The following ZNF521 variants were observed in gnomAD, a reference collection of about 807,000 sequenced individuals.
ZNF521 encodes LYST-interacting protein 3.
In ZNF521, 14 loss-of-function variants were observed where a neutral mutation model predicts 105.5. That is an observed-to-expected ratio of 0.13 (90% CI 0.09 to 0.21). The LOEUF (loss-of-function observed/expected upper bound fraction) is 0.21, where lower values mean the gene tolerates loss of function less well. ZNF521 is among the 10% of genes least tolerant of loss of function. The probability of loss-of-function intolerance (pLI) is 1.00; values close to 1 mark genes in which losing one functional copy is unlikely to be tolerated. For missense variants in ZNF521, 1,233 were observed against 1,629.7 expected (o/e 0.76, Z 4.19); for synonymous variants, 635 against 606.0 (o/e 1.05, Z -0.70).
intron 4 of ZNF521, 140 bp from the exon 5 acceptor site, chr18:25,195,384 G>A: frequency 1.7e-6 from 1 of 602,474 alleles, no homozygotes. Flanking sequence ...CTTGGCCCAA[G>A]TTCTACGAAT....
chr18:25,078,792 G>A (rs1418168899), intron 7 of ZNF521, among the ~76,000 whole-genome samples: 1 of 152,202 alleles, frequency 6.6e-6, no homozygotes, highest in South Asian at 2.1e-4. Context: ...GGCTATGAAC[G>A]AGGTGCAGTT....
intron 5 of ZNF521, among the ~76,000 whole-genome samples, chr18:25,164,245 T>A (rs1323276497): frequency 6.6e-6 from 1 of 152,148 alleles, no homozygotes; most frequent in Admixed American, 6.5e-5. Flanking sequence ...TGCAGGGCTG[T>A]CCCCGGAGTG....
intron 4 of ZNF521, among the ~76,000 whole-genome samples, chr18:25,207,394 C>T (rs952612247): frequency 4.6e-5 from 7 of 152,182 alleles, no homozygotes; most frequent in South Asian, 2.1e-4. Context: ...ATCGGGGCTC[C>T]TCGGGGCACA....
In ZNF521 at chr18:25,249,743, T is replaced by G. The variant is rs1216398933; in HGVS notation, c.221-22046A>C. ...TCCCGAAGTGCTGGGATTACAAGCCTGAGCCACCATTCCTGGTCTTCTTTA... is the reference window on the plus strand; with the variant it reads ...TCCCGAAGTGCTGGGATTACAAGCCGGAGCCACCATTCCTGGTCTTCTTTA... On this transcript the variant is annotated intron_variant, in intron 3 of 7. Transcript: ENST00000361524. Among the ~76,000 whole-genome samples the G allele has an allele frequency of 5.9e-5, 9 of 152,318 alleles. No homozygotes were observed. In the East Asian group the frequency reaches 1.5e-3, roughly 26 times the overall value.
chr18:25,240,686 C>T (rs770755469), intron 3 of ZNF521, among the ~76,000 whole-genome samples: 4 of 152,020 alleles, frequency 2.6e-5, no homozygotes, highest in African/African-American at 4.8e-5. Context: ...TTGGAATCGT[C>T]CAAAGAGCCT....
intron 5 of ZNF521, among the ~76,000 whole-genome samples, chr18:25,186,607 C>G (rs73404937): frequency 0.061 from 9,319 of 152,188 alleles, 674 homozygotes; most frequent in African/African-American, 0.18. Flanking sequence ...TTTCAAAGTT[C>G]AGTGGCCTCT....
chr18:25,148,677 G>GT (rs2034990503), intron 5 of ZNF521, among the ~76,000 whole-genome samples: 1 of 151,996 alleles, frequency 6.6e-6, no homozygotes, highest in South Asian at 2.1e-4. Context: ...AGATAACTGT[G>GT]TTTTGTGAGT....
chr18:25,103,777 A>G (rs1053744285), intron 5 of ZNF521, among the ~76,000 whole-genome samples: 8 of 115,742 alleles, frequency 6.9e-5, no homozygotes, highest in Non-Finnish European at 1.1e-4. Flanking sequence ...GGAAGAAAGA[A>G]GGGTGAGAGG....
intron 5 of ZNF521, among the ~76,000 whole-genome samples, chr18:25,139,908 A>G (rs2034814755): frequency 6.6e-6 from 1 of 152,136 alleles, no homozygotes; most frequent in African/African-American, 2.4e-5. Flanking sequence ...GAAATCCCGA[A>G]TAACTTCCTT....
At chr18:25,085,800 T>A (rs189692591) in intron 7 of ZNF521, among the ~76,000 whole-genome samples, 170 of 151,968 alleles carry the variant, frequency 1.1e-3, no homozygotes, top group African/African-American at 3.9e-3. Context: ...CACAAAAAAA[T>A]GCTTCATATT....
At chr18:25,283,606 T>C (rs45610731) in intron 3 of ZNF521, among the ~76,000 whole-genome samples, 9,482 of 152,266 alleles carry the variant, frequency 0.062, 429 homozygotes, top group Non-Finnish European at 0.086. Context: ...CAGAAAGCTT[T>C]CCAGAAAAAT....
chr18:25,236,966 G>A (rs538713199), intron 3 of ZNF521, among the ~76,000 whole-genome samples: 1 of 152,138 alleles, frequency 6.6e-6, no homozygotes, highest in South Asian at 2.1e-4. Flanking sequence ...TGAAAATAAG[G>A]CGAATTATCA....
chr18:25,349,970 G>C (rs559826855), intron 2 of ZNF521, among the ~76,000 whole-genome samples: 70 of 151,674 alleles, frequency 4.6e-4, no homozygotes, highest in Middle Eastern at 3.4e-3. Context: ...GCCGGACCTC[G>C]CGGCTCCCCT....
At chr18:25,107,938 G>A (rs2034106575) in intron 5 of ZNF521, among the ~76,000 whole-genome samples, 1 of 152,242 alleles carries the variant, frequency 6.6e-6, no homozygotes, top group African/African-American at 2.4e-5. Context: ...AAGGGTGAAA[G>A]CAAAATTTGT....
chr18:25,323,608 T>C (rs1913051316), intron 2 of ZNF521, among the ~76,000 whole-genome samples: 1 of 152,068 alleles, frequency 6.6e-6, no homozygotes, highest in African/African-American at 2.4e-5. Flanking sequence ...TGCCCAGCTA[T>C]TTAACACTTT....
At chr18:25,120,400 C>T (rs750244381) in intron 5 of ZNF521, among the ~76,000 whole-genome samples, 8 of 151,956 alleles carry the variant, frequency 5.3e-5, no homozygotes, top group African/African-American at 9.7e-5. Context: ...CTGGCCAACA[C>T]GATGAAACCC....
chr18:25,186,132 C>T (rs1440779881), intron 5 of ZNF521, among the ~76,000 whole-genome samples: 4 of 152,034 alleles, frequency 2.6e-5, no homozygotes, highest in East Asian at 1.9e-4. Flanking sequence ...CAAAAGATGC[C>T]GAGGCAATGT....
chr18:25,178,741 T>C (rs4329986), intron 5 of ZNF521, among the ~76,000 whole-genome samples: 1 of 152,078 alleles, frequency 6.6e-6, no homozygotes, highest in Admixed American at 6.5e-5. Context: ...CTGAACCAAG[T>C]ATAGGTTTTA....
intron 3 of ZNF521, among the ~76,000 whole-genome samples, chr18:25,294,009 A>G (rs1242189011): frequency 6.6e-6 from 1 of 152,204 alleles, no homozygotes; most frequent in Non-Finnish European, 1.5e-5. Context: ...GCAGTAACCT[A>G]CAATCTTAAA....
Sources: allele counts gnomAD v4.1 joint callset (sites outside exome capture counted in the v4.1 genomes callset), GRCh38; gene constraint gnomAD v4.1.1; transcripts MANE v1.5; gene names NCBI Gene and HGNC (gene_info 2026-07-23, HGNC 2026-07-21).